The following TMEM231 variants were observed in gnomAD, a reference collection of about 807,000 sequenced individuals.
TMEM231 encodes the protein transmembrane protein 231.
A neutral mutation model predicts 38.5 loss-of-function variants in TMEM231; 40 were observed. The observed-to-expected ratio is 1.04, with a 90% CI of 0.81 to 1.35. The LOEUF (loss-of-function observed/expected upper bound fraction) is 1.35. Ranked by LOEUF, TMEM231 falls within the 40% of genes most tolerant of loss-of-function variation. TMEM231 has a pLI of 0.00. For missense variants in TMEM231, 420 were observed against 416.9 expected (o/e 1.01, Z -0.07); for synonymous variants, 199 against 181.7 (o/e 1.10, Z -0.77).
Position 75,556,171 on chromosome 16 carries a change from G to A in TMEM231, c.39C>T (p.Arg13=). The stretch of plus-strand genomic sequence containing the variant: ...TGGAGCAGAGCCCCGCGCGGTAACT[G>A]CGCTCGACCGGGTGAGAGAAGAGCT... ...LYELFSHPVE[R]SYRAGLCSKA... Residue 13 remains arginine (R), a synonymous_variant, in exon 1 of 7, where the codon CGC becomes CGT. Coordinates refer to ENST00000258173, the MANE Select transcript of TMEM231 (RefSeq NM_001077418.3). The A allele has an allele frequency of 6.5e-7, 1 of 1,537,386 alleles. No individual in the cohort carries two copies. Among genetic ancestry groups the A allele is most frequent in the Non-Finnish European group, 8.7e-7 (1 of 1,145,784 alleles).
At chr16:75,550,623 T>C (rs1432273953) in intron 2 of TMEM231, among the ~76,000 whole-genome samples, 2 of 152,220 alleles carry the variant, frequency 1.3e-5, no homozygotes, top group African/African-American at 2.4e-5. Context: ...TGTGACTTTT[T>C]TCCCCGTCAG....
intron 2 of TMEM231, among the ~76,000 whole-genome samples, chr16:75,547,565 G>A (rs1298055288): frequency 6.6e-6 from 1 of 151,916 alleles, no homozygotes; most frequent in East Asian, 1.9e-4. Flanking sequence ...CGGATCATGA[G>A]GTCAGAAGAT....
In TMEM231 at chr16:75,545,312, C is replaced by T. The variant is rs745557484; in HGVS notation, c.582+40G>A. On this transcript the variant is annotated intron_variant, in intron 4 of 6. Coordinates refer to ENST00000258173, the MANE Select transcript of TMEM231 (RefSeq NM_001077418.3). Reference sequence around the variant, plus strand: ...TTAAAGAACTTAATGAACAGTAACACAGAGAAACAAAGGAGCTGGACAATG... The same window carrying T: ...TTAAAGAACTTAATGAACAGTAACATAGAGAAACAAAGGAGCTGGACAATG... 1.4e-5 allele frequency: 22 copies of T among 1,592,654 alleles called. No individual in the cohort carries two copies. The East Asian group carries it at 4.7e-4, about 34-fold the overall frequency.
chr16:75,556,000 C>A, intron 1 of TMEM231, 27 bp from the exon 2 acceptor site: 1 of 1,587,986 alleles, frequency 6.3e-7, no homozygotes, highest in Non-Finnish European at 8.6e-7. Context: ...GGTAGGGAGG[C>A]GGTTAGGGAG....
In TMEM231 at chr16:75,553,821, C is replaced by A. The variant is rs371025264; in HGVS notation, c.309+1983G>T. ...TACAGGTGTGAGCTATCATTTCTGGCGGCAAATATTTTTATCTCATTTACC... is the reference window on the plus strand; with the variant it reads ...TACAGGTGTGAGCTATCATTTCTGGAGGCAAATATTTTTATCTCATTTACC... On this transcript the variant is annotated intron_variant, in intron 2 of 6. Coordinates refer to ENST00000258173, the MANE Select transcript of TMEM231 (RefSeq NM_001077418.3). Among the ~76,000 whole-genome samples, 49 of 152,052 alleles carry A rather than the reference C, an allele frequency of 3.2e-4. No homozygotes were observed. The South Asian group carries it at 3.7e-3, about 12-fold the overall frequency.
intron 2 of TMEM231, among the ~76,000 whole-genome samples, chr16:75,551,207 T>C (rs922697974): frequency 2.0e-5 from 3 of 152,202 alleles, no homozygotes; most frequent in Non-Finnish European, 4.4e-5. Flanking sequence ...TCTTTTTTTT[T>C]CTATTTCTTT....
rs1011327100 is a variant in TMEM231, at chr16:75,539,160, G to A, written c.*834C>T. ...GGGAGGGCTGTCAAGGAGGAGGAGG[G>A]CCAAGTGCCCAGGCTGTTGGGTGAG... On this transcript the variant is annotated 3_prime_UTR_variant, in exon 7 of 7. Coordinates refer to ENST00000258173, the MANE Select transcript of TMEM231 (RefSeq NM_001077418.3). 2.0e-5 allele frequency: 3 copies of A among 151,660 alleles called. No homozygotes were observed. The highest frequency in any genetic ancestry group is 4.4e-5 in the Non-Finnish European group (3 of 67,910). 9.4% of individuals were successfully genotyped at this position (151,660 alleles called of 1,614,324 possible).
chr16:75,545,331 G>A (rs768201317), intron 4 of TMEM231, 21 bp downstream of exon 4: 1 of 1,604,838 alleles, frequency 6.2e-7, no homozygotes, highest in South Asian at 1.1e-5. Context: ...AAAGGAGCTG[G>A]ACAATGAGAA....
At position 75,540,151 on chromosome 16, in the gene TMEM231, A is replaced by G. The variant is rs760736190; in HGVS notation, c.794T>C (p.Met265Thr). Reference sequence around the variant, plus strand: ...ATACTGCACCCAGGCGAACTTTACCATCTCCCAGAATCCTGGCTGATAAGT... The same window carrying G: ...ATACTGCACCCAGGCGAACTTTACCGTCTCCCAGAATCCTGGCTGATAAGT... ...VISYQPGFWEMVKFAWVQYVS... is the reference protein window; with the variant it reads ...VISYQPGFWETVKFAWVQYVS... Residue 265 changes from methionine to threonine, a missense_variant, in exon 7 of 7, where the codon ATG becomes ACG. Met to Thr is a moderately conservative substitution (Grantham distance 81). Transcript: ENST00000258173. 2.5e-6 allele frequency: 4 copies of G among 1,613,470 alleles called. No individual in the cohort carries two copies. Among genetic ancestry groups the G allele is most frequent in the Non-Finnish European group, 3.4e-6 (4 of 1,179,648 alleles).
At chr16:75,540,990 C>A (rs994479085) in intron 6 of TMEM231, among the ~76,000 whole-genome samples, 1 of 152,086 alleles carries the variant, frequency 6.6e-6, no homozygotes, top group Non-Finnish European at 1.5e-5. Flanking sequence ...TCTTTGAAAA[C>A]TGAGCTACCA....
At position 75,538,600 on chromosome 16, in the gene TMEM231, A is replaced by G. The variant is rs2151696084; in HGVS notation, c.*1394T>C. ...CTTTGTTTCCAAAACTGTTTTAGTA[A>G]GCCTAAAGGAGCACTAAAAACGACA... On this transcript the variant is annotated 3_prime_UTR_variant, in exon 7 of 7. Transcript: ENST00000258173. 1 of 152,232 alleles carries G rather than the reference A, an allele frequency of 6.6e-6. No homozygotes were observed. Among genetic ancestry groups the G allele is most frequent in the East Asian group, 1.9e-4 (1 of 5,182 alleles). The allele number at this position is 152,232 out of a possible 1,614,324, so 9.4% of individuals were successfully genotyped here. A position where few individuals can be genotyped will look rare whatever the true frequency, so the allele number is the denominator to read the frequency against.
intron 1 of TMEM231, 42 bp from the exon 2 acceptor site, chr16:75,556,015 G>A (rs1323033915): frequency 5.7e-6 from 9 of 1,576,828 alleles, no homozygotes; most frequent in Non-Finnish European, 6.9e-6. Flanking sequence ...AGGGAGGCCG[G>A]CCCTGGCCGA....
chr16:75,541,186 T>TC (rs1000562089), intron 6 of TMEM231, among the ~76,000 whole-genome samples, 164 bp downstream of exon 6: 21 of 151,468 alleles, frequency 1.4e-4, no homozygotes, highest in Middle Eastern at 3.4e-3. Context: ...GCTAATTTTT[T>TC]TTTTTTTTTT....
chr16:75,542,408 G>T, intron 5 of TMEM231, 194 bp downstream of exon 5: 1 of 589,654 alleles, frequency 1.7e-6, no homozygotes, highest in Non-Finnish European at 3.1e-6. Context: ...GGATGCTGGA[G>T]GGGTGGGGGC....
At chr16:75,552,890 A>G (rs1169023837) in intron 2 of TMEM231, among the ~76,000 whole-genome samples, 2 of 152,130 alleles carry the variant, frequency 1.3e-5, no homozygotes, top group East Asian at 3.9e-4. Flanking sequence ...ATCCTTCTAT[A>G]ACCTTCAGTC....
intron 5 of TMEM231, 175 bp from the exon 6 acceptor site, chr16:75,541,630 A>G: frequency 2.4e-6 from 1 of 422,388 alleles, no homozygotes; most frequent in South Asian, 5.8e-5. Flanking sequence ...TGTTAAAATA[A>G]TAGTCAAAAT....
rs561992219 is a variant in TMEM231, at chr16:75,542,460, G to A, written c.664+142C>T. The A allele has an allele frequency of 2.9e-5, 23 of 790,926 alleles. No individual in the cohort carries two copies. The South Asian group carries it at 3.4e-4, about 12-fold the overall frequency. The allele number at this position is 790,926 out of a possible 1,614,324, so 49.0% of individuals were successfully genotyped here. A position where few individuals can be genotyped will look rare whatever the true frequency, so the allele number is the denominator to read the frequency against. On this transcript the variant is annotated intron_variant, in intron 5 of 6. Transcript: ENST00000258173. ...ATCAGGACGAAAAAGACAAATCCTG[G>A]ACAGCATATTTGCTCCCATCGTTGA...
chr16:75,543,776 T>C (rs187669023), intron 4 of TMEM231, among the ~76,000 whole-genome samples: 3 of 152,338 alleles, frequency 2.0e-5, no homozygotes. Flanking sequence ...TGTAATCTGA[T>C]ATATAGACAT....
chr16:75,551,786 A>C (rs997396078), intron 2 of TMEM231, among the ~76,000 whole-genome samples: 27 of 151,860 alleles, frequency 1.8e-4, no homozygotes, highest in African/African-American at 6.3e-4. Flanking sequence ...ACATGATGAA[A>C]TCCCGTCTCT....
Sources: gnomAD v4.1 joint callset for allele counts (sites outside exome capture counted in the v4.1 genomes callset) on GRCh38, gnomAD v4.1.1 for gene constraint, MANE v1.5 for transcripts, NCBI Gene and HGNC (gene_info 2026-07-23, HGNC 2026-07-21) for gene names.